Variants in STXBP5L observed in about 807,000 individuals in gnomAD.
STXBP5L encodes the protein syntaxin binding protein 5L, also known as syntaxin-binding protein 5-like.
STXBP5L carries 65 observed loss-of-function variants against 144.5 expected under a neutral mutation model. The observed-to-expected ratio is 0.45, with a 90% confidence interval of 0.37 to 0.55. The LOEUF (loss-of-function observed/expected upper bound fraction) is 0.55. STXBP5L is among the 20% of genes least tolerant of loss of function. The probability of loss-of-function intolerance (pLI) is 0.00; values close to 1 mark genes in which losing one functional copy is unlikely to be tolerated. For synonymous variants in STXBP5L, 505 were observed against 469.6 expected, an observed-to-expected ratio of 1.08 and a Z score of -0.97; for missense variants, 1,298 against 1,405.5, an observed-to-expected ratio of 0.92 and a Z score of 1.22.
At chr3:121,390,466 C>T (rs934350563) in intron 22 of STXBP5L, among the ~76,000 whole-genome samples, 4 of 152,150 alleles carry the variant, frequency 2.6e-5, no homozygotes, top group African/African-American at 9.7e-5. Flanking sequence ...TTCATTGATT[C>T]AGTTTCTTCA....
chr3:121,398,202 A>G (rs995177200), intron 22 of STXBP5L, among the ~76,000 whole-genome samples: 1 of 152,128 alleles, frequency 6.6e-6, no homozygotes, highest in African/African-American at 2.4e-5. Flanking sequence ...TGAGTCAGTG[A>G]CTCCTGTATG....
intron 3 of STXBP5L, among the ~76,000 whole-genome samples, chr3:121,015,019 T>C (rs1474427496): frequency 6.6e-6 from 1 of 152,100 alleles, no homozygotes; most frequent in African/African-American, 2.4e-5. Flanking sequence ...TATAGAAGAC[T>C]GAAATCAGTG....
chr3:121,344,258 T>C (rs1265054299), intron 20 of STXBP5L, among the ~76,000 whole-genome samples: 2 of 152,088 alleles, frequency 1.3e-5, no homozygotes, highest in Admixed American at 6.6e-5. Flanking sequence ...TCAAGATGGA[T>C]TAAAGACTTA....
Position 121,318,554 on chromosome 3 carries a change from G to A in STXBP5L, c.2176+14G>A, listed in dbSNP as rs187620750. 4.5e-5 allele frequency: 69 copies of A among 1,519,882 alleles called. No homozygotes were observed. In the African/African-American group the frequency reaches 8.5e-4, roughly 19 times the overall value. The allele number at this position is 1,519,882 out of a possible 1,614,324, so 94.1% of individuals were successfully genotyped here. On this transcript the variant is annotated intron_variant, in intron 20 of 26. Transcript: ENST00000471454. Reference sequence around the variant, plus strand: ...CTCCTACCTCAGGTAAACATGAGTGGTATTTTGCAGACTTCTGGTAATTCA... The same window carrying A: ...CTCCTACCTCAGGTAAACATGAGTGATATTTTGCAGACTTCTGGTAATTCA...
intron 5 of STXBP5L, among the ~76,000 whole-genome samples, chr3:121,066,398 T>A (rs992303533): frequency 6.6e-6 from 1 of 150,962 alleles, no homozygotes; most frequent in African/African-American, 2.4e-5. Flanking sequence ...AGGAAATATA[T>A]ATATATTTTA....
intron 9 of STXBP5L, among the ~76,000 whole-genome samples, chr3:121,188,702 A>G (rs1287106182): frequency 6.6e-6 from 1 of 152,258 alleles, no homozygotes; most frequent in Non-Finnish European, 1.5e-5. Flanking sequence ...AACCAATGAC[A>G]AAAACCACAT....
At position 121,197,473 on chromosome 3, in the gene STXBP5L, A is replaced by T. The variant is rs541236500; in HGVS notation, c.878-8450A>T. On this transcript the variant is annotated intron_variant, in intron 9 of 26. Coordinates refer to ENST00000471454, the MANE Select transcript of STXBP5L (RefSeq NM_001308330.2). Reference sequence around the variant, plus strand: ...TTTTTAACATTAAATGAATATTTTTAAAAAATTTAATTTCTATTTATTTAT... The same window carrying T: ...TTTTTAACATTAAATGAATATTTTTTAAAAATTTAATTTCTATTTATTTAT... Among the ~76,000 whole-genome samples the T allele has an allele frequency of 8.4e-4, 128 of 152,242 alleles. 1 individual carries two copies. The highest frequency in any genetic ancestry group is 2.7e-3 in the African/African-American group (111 of 41,556).
At chr3:121,209,521 G>A (rs1444412695) in intron 10 of STXBP5L, among the ~76,000 whole-genome samples, 2 of 151,994 alleles carry the variant, frequency 1.3e-5, no homozygotes, top group African/African-American at 2.4e-5. Context: ...CCATGTTGGT[G>A]TGCTGCACCC....
chr3:120,982,466 G>A (rs1205112782), intron 3 of STXBP5L, among the ~76,000 whole-genome samples: 1 of 152,186 alleles, frequency 6.6e-6, no homozygotes, highest in Non-Finnish European at 1.5e-5. Context: ...TCCTAGGCAG[G>A]TGGGAATGCA....
At chr3:120,973,343 T>C (rs1039215815) in intron 3 of STXBP5L, among the ~76,000 whole-genome samples, 2 of 152,084 alleles carry the variant, frequency 1.3e-5, no homozygotes, top group African/African-American at 4.8e-5. Context: ...TCTTGGTTTT[T>C]AGTTTGAGAG....
At chr3:120,982,761 CCTGA>C (rs1197101566) in intron 3 of STXBP5L, among the ~76,000 whole-genome samples, 2 of 152,144 alleles carry the variant, frequency 1.3e-5, no homozygotes, top group African/African-American at 2.4e-5. Context: ...GTTGGGTTGG[CCTGA>C]CTTAGACCCT....
At chr3:121,251,535 A>G (rs1247449105) in intron 15 of STXBP5L, among the ~76,000 whole-genome samples, 1 of 152,180 alleles carries the variant, frequency 6.6e-6, no homozygotes, top group Non-Finnish European at 1.5e-5. Context: ...ACAAGTTAAC[A>G]GTGACTCTAA....
chr3:121,104,432 A>C (rs2043588016), intron 5 of STXBP5L, among the ~76,000 whole-genome samples: 1 of 152,216 alleles, frequency 6.6e-6, no homozygotes, highest in African/African-American at 2.4e-5. Context: ...AAGAGCCTGC[A>C]TAACCAAAGC....
intron 9 of STXBP5L, among the ~76,000 whole-genome samples, chr3:121,182,652 G>A (rs2047206546): frequency 1.3e-5 from 2 of 152,084 alleles, no homozygotes; most frequent in Admixed American, 1.3e-4. Context: ...ACAAAGATCA[G>A]TGCAGAACTA....
intron 3 of STXBP5L, among the ~76,000 whole-genome samples, chr3:121,033,929 CTT>C (rs746467662): frequency 5.3e-5 from 8 of 151,958 alleles, no homozygotes; most frequent in Non-Finnish European, 1.0e-4. Flanking sequence ...TATTTTAACT[CTT>C]ATTAAAAATA....
chr3:121,362,357 T>C (rs909200344), intron 20 of STXBP5L, among the ~76,000 whole-genome samples: 2 of 152,222 alleles, frequency 1.3e-5, no homozygotes, highest in African/African-American at 2.4e-5. Flanking sequence ...GCCAGGCTTG[T>C]GTCCTTCTCT....
chr3:121,061,061 G>T (rs1312894212), intron 5 of STXBP5L, among the ~76,000 whole-genome samples: 5 of 152,090 alleles, frequency 3.3e-5, no homozygotes, highest in Non-Finnish European at 5.9e-5. Flanking sequence ...TAATTGTGAT[G>T]TTAGGGTATT....
intron 5 of STXBP5L, among the ~76,000 whole-genome samples, chr3:121,055,012 T>C (rs532260066): frequency 2.0e-5 from 3 of 152,290 alleles, no homozygotes; most frequent in East Asian, 1.9e-4. Context: ...TTTCCAATAG[T>C]GATTTTATTA....
intron 9 of STXBP5L, among the ~76,000 whole-genome samples, chr3:121,170,902 A>G (rs949468398): frequency 1.5e-4 from 23 of 152,258 alleles, no homozygotes; most frequent in Non-Finnish European, 3.2e-4. Flanking sequence ...AGAAAATTTC[A>G]GGCCAATATC....
Sources: gnomAD v4.1 joint callset for allele counts (sites outside exome capture counted in the v4.1 genomes callset) on GRCh38, gnomAD v4.1.1 for gene constraint, MANE v1.5 for transcripts, NCBI Gene and HGNC (gene_info 2026-07-23, HGNC 2026-07-21) for gene names.